Variants in ROS1 observed in about 807,000 individuals in gnomAD.
ROS1 encodes proto-oncogene tyrosine-protein kinase ROS.
Under a neutral mutation model 273.5 loss-of-function variants are expected in ROS1, and 263 were observed. The observed-to-expected ratio is 0.96, with a 90% CI of 0.87 to 1.06. The LOEUF (loss-of-function observed/expected upper bound fraction) is 1.06. Among genes scored for constraint, ROS1 ranks in the 50% least tolerant of loss-of-function variants. The pLI is 0.00. For missense variants in ROS1, 2,833 were observed against 2,751.1 expected, an observed-to-expected ratio of 1.03 and a Z score of -0.67; for synonymous variants, 1,008 against 954.1, an observed-to-expected ratio of 1.06 and a Z score of -1.04.
chr6:117,295,999 A>G (rs1008614321), intron 43 of ROS1, among the ~76,000 whole-genome samples: 5 of 152,228 alleles, frequency 3.3e-5, no homozygotes, highest in African/African-American at 1.2e-4. Flanking sequence ...CATATGCCCA[A>G]AAGAAAGGAA....
At chr6:117,306,497 C>T (rs1291590438) in intron 42 of ROS1, among the ~76,000 whole-genome samples, 1 of 152,122 alleles carries the variant, frequency 6.6e-6, no homozygotes, top group African/African-American at 2.4e-5. Context: ...TGAAGAGAAT[C>T]CTGATGGCTG....
chr6:117,339,666 C>G (rs1418176356), intron 31 of ROS1, among the ~76,000 whole-genome samples: 1 of 152,124 alleles, frequency 6.6e-6, no homozygotes, highest in African/African-American at 2.4e-5. Context: ...ATGACTCTAT[C>G]TTGTATTTGC....
At chr6:117,301,398 G>T (rs2128537871) in intron 42 of ROS1, 1 of 298,116 alleles carries the variant, frequency 3.4e-6, no homozygotes, top group Admixed American at 5.6e-5. Flanking sequence ...TGGATAAGTA[G>T]ATGGTGGGAA....
intron 32 of ROS1, among the ~76,000 whole-genome samples, chr6:117,335,826 G>A (rs181240218): frequency 1.4e-4 from 22 of 152,230 alleles, no homozygotes; most frequent in African/African-American, 5.1e-4. Context: ...GCACACACCA[G>A]GGCCTGTTGA....
chr6:117,388,171 T>TAG, intron 13 of ROS1, 179 bp from the exon 14 acceptor site: 1 of 925,702 alleles, frequency 1.1e-6, no homozygotes, highest in Non-Finnish European at 1.6e-6. Context: ...CAGTGTTCAT[T>TAG]CCTCATGCCG....
intron 43 of ROS1, among the ~76,000 whole-genome samples, chr6:117,292,156 G>A (rs1237878025): frequency 1.3e-5 from 2 of 151,930 alleles, no homozygotes; most frequent in Admixed American, 6.6e-5. Flanking sequence ...TTTTTTAGTA[G>A]AGACGCGGTT....
At chr6:117,312,746 G>A (rs143244368) in intron 39 of ROS1, among the ~76,000 whole-genome samples, 2 of 152,200 alleles carry the variant, frequency 1.3e-5, no homozygotes, top group Non-Finnish European at 2.9e-5. Context: ...ATCACTGCAT[G>A]TTGGGTTTCC....
intron 15 of ROS1, 79 bp downstream of exon 15, chr6:117,386,810 C>A (rs1373544001): frequency 1.4e-5 from 10 of 697,270 alleles, no homozygotes; most frequent in Non-Finnish European, 2.0e-5. Context: ...ATACCCTATT[C>A]TTTTGATTCA....
At chr6:117,387,700 C>T in intron 14 of ROS1, 80 bp downstream of exon 14, 1 of 1,468,428 alleles carries the variant, frequency 6.8e-7, no homozygotes, top group Non-Finnish European at 9.2e-7. Flanking sequence ...TCTTTAAACC[C>T]AAGGCAAGGA....
At chr6:117,383,651 A>G (rs1772339147) in intron 16 of ROS1, 143 bp from the exon 17 acceptor site, 1 of 686,678 alleles carries the variant, frequency 1.5e-6, no homozygotes, top group South Asian at 1.8e-5. Flanking sequence ...TGTGCTGGGT[A>G]GTGTAATAAG....
At chr6:117,297,010 T>C (rs1460775058) in intron 43 of ROS1, among the ~76,000 whole-genome samples, 1 of 152,132 alleles carries the variant, frequency 6.6e-6, no homozygotes, top group African/African-American at 2.4e-5. Context: ...ATGGTACTGG[T>C]ATAAAAATAA....
At chr6:117,342,588 T>G in intron 28 of ROS1, 44 bp from the exon 29 acceptor site, 3 of 1,205,876 alleles carry the variant, frequency 2.5e-6, no homozygotes, top group Non-Finnish European at 3.4e-6. Flanking sequence ...TTTTAACATT[T>G]TATACAAATT....
intron 21 of ROS1, 23 bp downstream of exon 21, chr6:117,365,037 A>C: frequency 6.2e-7 from 1 of 1,603,110 alleles, no homozygotes. Context: ...TTTAAGAAAA[A>C]AGACAGATTT....
chr6:117,379,316 A>G (rs1771923891), intron 17 of ROS1, among the ~76,000 whole-genome samples, 157 bp from the exon 18 acceptor site: 1 of 152,168 alleles, frequency 6.6e-6, no homozygotes, highest in South Asian at 2.1e-4. Flanking sequence ...AACTTATATG[A>G]TTATGCTTAT....
intron 7 of ROS1, among the ~76,000 whole-genome samples, chr6:117,402,817 G>A (rs1377839547): frequency 2.0e-5 from 3 of 151,528 alleles, no homozygotes; most frequent in Non-Finnish European, 4.4e-5. Flanking sequence ...GAACCCAGGA[G>A]GTGGAGGTTG....
intron 32 of ROS1, among the ~76,000 whole-genome samples, chr6:117,330,481 T>C (rs1776999904): frequency 6.6e-6 from 1 of 152,196 alleles, no homozygotes; most frequent in Admixed American, 6.5e-5. Context: ...AAGTGCTTCG[T>C]TAAATGGGTC....
chr6:117,351,885 A>T (rs1027487104), intron 27 of ROS1, among the ~76,000 whole-genome samples: 1 of 152,230 alleles, frequency 6.6e-6, no homozygotes, highest in African/African-American at 2.4e-5. Flanking sequence ...TTTTACAAAA[A>T]TACAAAGTAG....
At chr6:117,313,342 A>G (rs1306939666) in intron 39 of ROS1, among the ~76,000 whole-genome samples, 1 of 152,122 alleles carries the variant, frequency 6.6e-6, no homozygotes. Context: ...AGGCAGGCAG[A>G]TTACTTGAGG....
chr6:117,296,457 A>C (rs983361289), intron 43 of ROS1, among the ~76,000 whole-genome samples: 1 of 152,172 alleles, frequency 6.6e-6, no homozygotes, highest in African/African-American at 2.4e-5. Context: ...AGTACAGTGG[A>C]GTACTATTCA....
Sources: allele counts gnomAD v4.1 joint callset (sites outside exome capture counted in the v4.1 genomes callset), GRCh38; gene constraint gnomAD v4.1.1; transcripts MANE v1.5; gene names NCBI Gene and HGNC (gene_info 2026-07-23, HGNC 2026-07-21).